The following ARHGEF4 variants were observed in gnomAD, a reference collection of about 807,000 sequenced individuals.
ARHGEF4 encodes the protein Rho guanine nucleotide exchange factor 4, also known as APC-stimulated guanine nucleotide exchange factor 1.
In ARHGEF4, 119 loss-of-function variants were observed where a neutral mutation model predicts 162.0. That is an observed-to-expected ratio of 0.73 (90% CI 0.63 to 0.86). The LOEUF (loss-of-function observed/expected upper bound fraction) is 0.86, where lower values mean the gene tolerates loss of function less well. Among genes scored for constraint, ARHGEF4 ranks in the 40% least tolerant of loss-of-function variants. The probability of loss-of-function intolerance (pLI) is 0.00; values close to 1 mark genes in which losing one functional copy is unlikely to be tolerated. For synonymous variants in ARHGEF4, 1,014 were observed against 979.9 expected, an observed-to-expected ratio of 1.03 and a Z score of -0.65; for missense variants, 2,488 against 2,456.0, an observed-to-expected ratio of 1.01 and a Z score of -0.28.
intron 1 of ARHGEF4, among the ~76,000 whole-genome samples, chr2:130,904,418 C>T (rs769874906): frequency 6.6e-6 from 1 of 152,088 alleles, no homozygotes; most frequent in Non-Finnish European, 1.5e-5. Flanking sequence ...GGGAGGGGAG[C>T]ACAGCCTCAT....
intron 1 of ARHGEF4, among the ~76,000 whole-genome samples, chr2:130,847,592 C>CA (rs1173515245): frequency 5.3e-5 from 8 of 152,196 alleles, no homozygotes; most frequent in Admixed American, 5.2e-4. Context: ...CTTGAGTGCT[C>CA]AATGCTGTGG....
chr2:130,946,504 T>G lies in ARHGEF4; in HGVS notation c.3859-5T>G. Reference sequence around the variant, plus strand: ...TTGCCCTCTGTCTCTTTCCTCCTCTTCCAGTGCTGGAGAAAGACGATCATT... The same window carrying G: ...TTGCCCTCTGTCTCTTTCCTCCTCTGCCAGTGCTGGAGAAAGACGATCATT... On this transcript the variant is annotated splice_region_variant and splice_polypyrimidine_tract_variant and intron_variant, in intron 3 of 13. Coordinates refer to ENST00000409359, the MANE Select transcript of ARHGEF4 (RefSeq NM_001367493.1). The G allele has an allele frequency of 1.2e-6, 2 of 1,607,060 alleles. No homozygotes were observed. Among genetic ancestry groups the G allele is most frequent in the Non-Finnish European group, 1.7e-6 (2 of 1,176,112 alleles).
intron 4 of ARHGEF4, among the ~76,000 whole-genome samples, chr2:130,986,147 A>T (rs538748883): frequency 3.3e-5 from 5 of 151,038 alleles, no homozygotes; most frequent in Non-Finnish European, 7.4e-5. Flanking sequence ...GTTTGTGTGC[A>T]TGGTGTGTGT....
intron 5 of ARHGEF4, among the ~76,000 whole-genome samples, chr2:131,037,121 G>A (rs1349942926): frequency 2.0e-5 from 3 of 152,184 alleles, no homozygotes; most frequent in Non-Finnish European, 4.4e-5. Context: ...GGACCCCGTG[G>A]AGGCCTCTGG....
At chr2:130,945,171 C>T (rs1459801130) in intron 3 of ARHGEF4, among the ~76,000 whole-genome samples, 4 of 151,970 alleles carry the variant, frequency 2.6e-5, no homozygotes, top group Non-Finnish European at 5.9e-5. Context: ...ATTATGGGAT[C>T]TTCTGCTTGA....
At chr2:130,871,345 G>A (rs1678474751) in intron 1 of ARHGEF4, among the ~76,000 whole-genome samples, 1 of 152,092 alleles carries the variant, frequency 6.6e-6, no homozygotes, top group African/African-American at 2.4e-5. Flanking sequence ...AGACTAGCCT[G>A]GCCAACATGG....
intron 4 of ARHGEF4, among the ~76,000 whole-genome samples, chr2:131,003,878 A>T (rs1394601120): frequency 6.6e-6 from 1 of 152,220 alleles, no homozygotes; most frequent in Non-Finnish European, 1.5e-5. Flanking sequence ...AACTAGGGTA[A>T]CTGGGTAATA....
At chr2:130,926,250 A>G (rs1682282342) in intron 2 of ARHGEF4, among the ~76,000 whole-genome samples, 1 of 151,636 alleles carries the variant, frequency 6.6e-6, no homozygotes, top group African/African-American at 2.4e-5. Context: ...TATATATTCT[A>G]TTTCTTTGCT....
intron 1 of ARHGEF4, among the ~76,000 whole-genome samples, chr2:130,900,980 G>C (rs911665971): frequency 6.6e-6 from 1 of 152,080 alleles, no homozygotes; most frequent in Non-Finnish European, 1.5e-5. Context: ...GGTGATGTCA[G>C]CAGGTCAGCA....
intron 1 of ARHGEF4, among the ~76,000 whole-genome samples, chr2:130,875,124 C>G (rs1339878963): frequency 6.6e-6 from 1 of 152,112 alleles, no homozygotes; most frequent in Non-Finnish European, 1.5e-5. Context: ...CTCCCTTGTT[C>G]CCTTTGTATT....
At chr2:130,930,775 A>C (rs903683525) in intron 2 of ARHGEF4, among the ~76,000 whole-genome samples, 177 bp from the exon 3 acceptor site, 4 of 152,230 alleles carry the variant, frequency 2.6e-5, no homozygotes, top group African/African-American at 9.6e-5. Flanking sequence ...TTTTGTTCCT[A>C]ATCTTCACAT....
chr2:130,995,996 T>C (rs890701994), intron 4 of ARHGEF4, among the ~76,000 whole-genome samples: 4 of 151,732 alleles, frequency 2.6e-5, no homozygotes, highest in African/African-American at 9.7e-5. Context: ...TTCAAGCAAT[T>C]CTCCTGCCTC....
intron 2 of ARHGEF4, among the ~76,000 whole-genome samples, chr2:130,922,315 G>C (rs190274748): frequency 6.6e-6 from 1 of 151,632 alleles, no homozygotes; most frequent in Non-Finnish European, 1.5e-5. Flanking sequence ...AGGTTGCGGC[G>C]AGCCGAGATT....
chr2:130,911,784 A>G (rs946983992), intron 1 of ARHGEF4, among the ~76,000 whole-genome samples: 4 of 152,164 alleles, frequency 2.6e-5, no homozygotes, highest in Non-Finnish European at 4.4e-5. Flanking sequence ...CCCCAGCAAG[A>G]CGCCAGCCCC....
intron 4 of ARHGEF4, among the ~76,000 whole-genome samples, chr2:131,011,165 T>C (rs1688424923): frequency 6.6e-6 from 1 of 152,194 alleles, no homozygotes; most frequent in East Asian, 1.9e-4. Context: ...ACAAAAATGT[T>C]TGTTGAACCT....
Position 130,970,039 on chromosome 2 carries a change from G to A in ARHGEF4, c.3985+23404G>A, listed in dbSNP as rs567786195. 3.9e-5 allele frequency among the ~76,000 whole-genome samples: 6 copies of A among 152,276 alleles called. No homozygotes were observed. In the East Asian group the frequency reaches 1.2e-3, roughly 29 times the overall value. ...ATCACAGTTTGTCAACCATTCACTA[G>A]CTGAAGGATACTCAGATTGTTCCTA... On this transcript the variant is annotated intron_variant, in intron 4 of 13. Coordinates refer to ENST00000409359, the MANE Select transcript of ARHGEF4 (RefSeq NM_001367493.1).
intron 1 of ARHGEF4, among the ~76,000 whole-genome samples, chr2:130,870,031 C>T (rs911144619): frequency 3.9e-5 from 6 of 152,222 alleles, no homozygotes; most frequent in African/African-American, 9.6e-5. Context: ...CTGGGTACAT[C>T]TGCTGAAGAG....
In ARHGEF4 at chr2:130,916,185, G is replaced by C; in HGVS notation, c.2239G>C (p.Gly747Arg). 1 of 1,548,270 alleles carries C rather than the reference G, an allele frequency of 6.5e-7. No homozygotes were observed. The highest frequency in any genetic ancestry group is 8.7e-7 in the Non-Finnish European group (1 of 1,146,748). Residue 747 changes from glycine to arginine, a missense_variant, in exon 2 of 14, where the codon GGG becomes CGG. By Grantham distance (125) the Gly-to-Arg change is moderately radical (BLOSUM62 -2). This residue lies in a region of ARHGEF4 where 1,642 missense variants were observed against 1,481.5 expected (regional missense o/e 1.11). Coordinates refer to ENST00000409359, the MANE Select transcript of ARHGEF4 (RefSeq NM_001367493.1). Reference sequence around the variant, plus strand: ...TGGGGAGAGCCGGAGCTCCGGGTCAGGGGAGCGTGGCCCGGAGGAGGCCCC... The same window carrying C: ...TGGGGAGAGCCGGAGCTCCGGGTCACGGGAGCGTGGCCCGGAGGAGGCCCC... ...LRGESRSSGS[G>R]ERGPEEAPEG...
intron 2 of ARHGEF4, among the ~76,000 whole-genome samples, chr2:130,930,322 CAT>C (rs1464686974): frequency 1.3e-5 from 2 of 152,178 alleles, no homozygotes; most frequent in African/African-American, 2.4e-5. Context: ...ACTTGGACAA[CAT>C]GTGTGAAGAA....
Sources: gnomAD v4.1 joint callset for allele counts (sites outside exome capture counted in the v4.1 genomes callset) on GRCh38, gnomAD v4.1.1 for gene constraint, gnomAD v4.1.1 regional missense constraint, MANE v1.5 for transcripts, NCBI Gene and HGNC (gene_info 2026-07-23, HGNC 2026-07-21) for gene names.